Variants in CIITA observed in about 807,000 individuals in gnomAD.
The protein encoded by CIITA is MHC class II transactivator.
CIITA carries 72 observed loss-of-function variants against 115.1 expected under a neutral mutation model. The observed-to-expected ratio is 0.63, with a 90% confidence interval of 0.52 to 0.76. The LOEUF is 0.76. Among genes scored for constraint, CIITA ranks in the 30% least tolerant of loss-of-function variants. The pLI is 0.00. For synonymous variants in CIITA, 763 were observed against 635.6 expected (o/e 1.20, Z -3.02); for missense variants, 1,617 against 1,463.8 (o/e 1.10, Z -1.71).
Position 10,933,541 on chromosome 16 carries a change from C to G in CIITA, c.*9686C>G, listed in dbSNP as rs920361492. The G allele has an allele frequency of 1.3e-5, 2 of 152,372 alleles. No individual in the cohort carries two copies. Among genetic ancestry groups the G allele is most frequent in the Non-Finnish European group, 2.9e-5 (2 of 68,172 alleles). The allele number at this position is 152,372 out of a possible 1,614,324, so 9.4% of individuals were successfully genotyped here. The stretch of plus-strand genomic sequence containing the variant: ...CCCACCCTCTCTGGGCCAGTTTCCT[C>G]ATCTGGAAAAGGGGACAGTGCCCAC... On this transcript the variant is annotated 3_prime_UTR_variant, in exon 20 of 20. Transcript: ENST00000324288.
At chr16:10,939,524 C>T (rs963080559), downstream of CIITA, 8 of 152,330 alleles carry the variant, frequency 5.3e-5, no homozygotes, top group Non-Finnish European at 1.2e-4. The surrounding 1 kb of genome is among the most constrained non-coding windows in gnomAD (Gnocchi z 4.9). Context: ...AACTCTCTCT[C>T]ACCTGAAGGT....
intron 1 of CIITA, 150 bp from the exon 2 acceptor site, chr16:10,895,132 A>G: frequency 1.2e-6 from 1 of 846,386 alleles, no homozygotes; most frequent in Non-Finnish European, 1.9e-6. Context: ...TGCTCTCTCC[A>G]CCACGCTGAG....
rs2036243741 is a variant in CIITA, at chr16:10,879,866, C to G, written c.52+2484C>G. Among the ~76,000 whole-genome samples, 1 of 152,152 alleles carries G rather than the reference C, an allele frequency of 6.6e-6. No homozygotes were observed. Among genetic ancestry groups the G allele is most frequent in the African/African-American group, 2.4e-5 (1 of 41,430 alleles). On this transcript the variant is annotated intron_variant, in intron 1 of 19. Coordinates refer to ENST00000324288, the MANE Select transcript of CIITA (RefSeq NM_000246.4). This position sits in a 1 kb window ranked among gnomAD's most constrained non-coding sequence, Gnocchi z 4.3. ...TGGAACTCTTAAAAGCCGCGGTCCT[C>G]CTGAGTCCCACAGCCCCTCTCCACC... is the stretch of plus-strand genomic sequence containing the variant.
intron 1 of CIITA, among the ~76,000 whole-genome samples, chr16:10,893,185 C>T (rs938066737): frequency 6.6e-6 from 1 of 152,156 alleles, no homozygotes; most frequent in Non-Finnish European, 1.5e-5. Context: ...GGCAGCGTGG[C>T]CCTGCTGACA....
chr16:10,902,159 C>T lies in CIITA; in HGVS notation c.603C>T (p.Arg201=). ...AGGAGCCAGCCTCCGGCCAGATGCG[C>T]CTGGAGAAAACCGACCAGATTCCCA... is the stretch of plus-strand genomic sequence containing the variant. ...FNQEPASGQM[R]LEKTDQIPMP... Residue 201 remains arginine (R), a synonymous_variant, in exon 7 of 20, where the codon CGC becomes CGT. Transcript: ENST00000324288. 1 of 1,614,124 alleles carries T rather than the reference C, an allele frequency of 6.2e-7. No homozygotes were observed. Among genetic ancestry groups the T allele is most frequent in the Non-Finnish European group, 8.5e-7 (1 of 1,180,024 alleles).
In CIITA at chr16:10,941,583, G is replaced by A. The variant is rs528597211; in HGVS notation, n.709G>A. 1 of 1,464,112 alleles carries A rather than the reference G, an allele frequency of 6.8e-7. No individual in the cohort carries two copies. Among genetic ancestry groups the A allele is most frequent in the African/African-American group, 1.4e-5 (1 of 70,844 alleles). 90.7% of individuals were successfully genotyped at this position (1,464,112 alleles called of 1,614,324 possible). On this transcript the variant is annotated non_coding_transcript_exon_variant, in exon 2 of 2. Coordinates refer to the CIITA transcript ENST00000573379. The surrounding 1 kb of genome is among the most constrained non-coding windows in gnomAD (Gnocchi z 6.4). Reference sequence around the variant, plus strand: ...AGGGCACTTACAGGCCTCGGAGGCAGGGGAGGGTCTCCTCCTGGGGAACCA... The same window carrying A: ...AGGGCACTTACAGGCCTCGGAGGCAAGGGAGGGTCTCCTCCTGGGGAACCA...
In CIITA at chr16:10,901,664, A is replaced by G; in HGVS notation, c.481+106A>G. 1 of 1,232,180 alleles carries G rather than the reference A, an allele frequency of 8.1e-7. No homozygotes were observed. 76.3% of individuals were successfully genotyped at this position (1,232,180 alleles called of 1,614,324 possible). A position where few individuals can be genotyped will look rare whatever the true frequency, so the allele number is the denominator to read the frequency against. ...GTCTGATGGGGATGGTGCATGGTGC[A>G]GCCCCTGCCCTTCTTTGGGTAGAGG... On this transcript the variant is annotated intron_variant, in intron 6 of 19. Transcript: ENST00000324288. The surrounding 1 kb of genome is among the most constrained non-coding windows in gnomAD (Gnocchi z 6.8).
At chr16:10,914,760 T>G (rs1397405611) in intron 13 of CIITA, among the ~76,000 whole-genome samples, 1 of 152,166 alleles carries the variant, frequency 6.6e-6, no homozygotes, top group Non-Finnish European at 1.5e-5. Context: ...CTCAGAGTCT[T>G]GAGGAGTAAA....
At chr16:10,891,405 G>T (rs1482487705) in intron 1 of CIITA, among the ~76,000 whole-genome samples, 1 of 152,086 alleles carries the variant, frequency 6.6e-6, no homozygotes, top group Non-Finnish European at 1.5e-5. Context: ...GAAGGTCCCT[G>T]GCAGACCCAA....
rs752464519 is a variant in CIITA, at chr16:10,941,685, C to A, written n.811C>A. On this transcript the variant is annotated non_coding_transcript_exon_variant, in exon 2 of 2. Transcript: ENST00000573379. This position sits in a 1 kb window ranked among gnomAD's most constrained non-coding sequence, Gnocchi z 6.4. ...CTGGTCCAGGGCATGGGTTGCGGAT[C>A]GTGTAGGGAAGAGGGGAACAGCAGT... The A allele has an allele frequency of 2.5e-6, 4 of 1,570,414 alleles. No homozygotes were observed. Among genetic ancestry groups the A allele is most frequent in the African/African-American group, 1.4e-5 (1 of 73,978 alleles).
intron 1 of CIITA, among the ~76,000 whole-genome samples, chr16:10,891,439 G>T (rs112842547): frequency 6.6e-6 from 1 of 152,098 alleles, no homozygotes. Flanking sequence ...AACTGAGTTT[G>T]GGTAACTTAT....
Position 10,935,417 on chromosome 16 carries a change from G to A in CIITA, c.*11562G>A, listed in dbSNP as rs997434334. 2.0e-5 allele frequency: 3 copies of A among 152,204 alleles called. No individual in the cohort carries two copies. Among genetic ancestry groups the A allele is most frequent in the Non-Finnish European group, 4.4e-5 (3 of 68,034 alleles). The allele number at this position is 152,204 out of a possible 1,614,324, so 9.4% of individuals were successfully genotyped here. ...AGGCCAAGGCCCTGTGACTTTAGCTGGCTTTGGTATTTGGCCAAAAGTTAA... is the reference window on the plus strand; with the variant it reads ...AGGCCAAGGCCCTGTGACTTTAGCTAGCTTTGGTATTTGGCCAAAAGTTAA... On this transcript the variant is annotated 3_prime_UTR_variant, in exon 20 of 20. Transcript: ENST00000324288.
Position 10,909,307 on chromosome 16 carries a change from CCT to C in CIITA, c.2816+123_2816+124del, listed in dbSNP as rs562482795. 1.3e-4 allele frequency: 141 copies of C among 1,060,024 alleles called. No homozygotes were observed. The East Asian group carries it at 3.1e-3, about 23-fold the overall frequency. The allele number at this position is 1,060,024 out of a possible 1,614,324, so 65.7% of individuals were successfully genotyped here. ...CCCTGTCCTCTGGGACACCCCATGC[CCT>C]CTTTCTGGGCAATGGCTAACCAGAG... On this transcript the variant is annotated intron_variant, in intron 12 of 19. Coordinates refer to ENST00000324288, the MANE Select transcript of CIITA (RefSeq NM_000246.4).
At chr16:10,910,397 C>T in intron 13 of CIITA, 138 bp downstream of exon 13, 1 of 800,106 alleles carries the variant, frequency 1.2e-6, no homozygotes, top group East Asian at 2.7e-5. Context: ...AAATAGCTTC[C>T]AGCAGCTGGA....
At chr16:10,877,859 C>A (rs1485622495) in intron 1 of CIITA, among the ~76,000 whole-genome samples, 1 of 152,194 alleles carries the variant, frequency 6.6e-6, no homozygotes, top group African/African-American at 2.4e-5. Flanking sequence ...GGATGCTGCC[C>A]TCCCCCCAGT....
chr16:10,884,060 T>TATAGG, intron 1 of CIITA, among the ~76,000 whole-genome samples: 1 of 140,440 alleles, frequency 7.1e-6, no homozygotes, highest in South Asian at 2.3e-4. Context: ...TGTTGTACAT[T>TATAGG]CTGTGGGTTT....
Position 10,895,746 on chromosome 16 carries a change from G to A in CIITA, c.277G>A (p.Glu93Lys). The A allele has an allele frequency of 1.2e-6, 2 of 1,614,090 alleles. No homozygotes were observed. The highest frequency in any genetic ancestry group is 1.7e-6 in the Non-Finnish European group (2 of 1,180,020). The change falls in exon 3 of 20, where the codon GAG (glutamate) becomes AAG (lysine). Residue 93 changes from glutamate to lysine, a missense_variant. Glu to Lys is a moderately conservative substitution (Grantham distance 56). Transcript: ENST00000324288. ...CATGGAAGGTGATGAAGAGACCAGG[G>A]AGGCTTATGCCAATATCGGTGAGGA... ...CDMEGDEETR[E>K]AYANIAELDQ...
chr16:10,866,836 C>A (rs1207720831), intron 1 of CIITA, among the ~76,000 whole-genome samples: 2 of 152,216 alleles, frequency 1.3e-5, no homozygotes, highest in African/African-American at 4.8e-5. Flanking sequence ...ACTCCCTGAG[C>A]CCTGACGATA....
intron 13 of CIITA, among the ~76,000 whole-genome samples, chr16:10,913,783 C>G (rs1001285511): frequency 1.3e-5 from 2 of 151,700 alleles, no homozygotes; most frequent in East Asian, 4.0e-4. Flanking sequence ...ACTAAATATA[C>G]AAAACAAATT....
Sources: allele counts gnomAD v4.1 joint callset (sites outside exome capture counted in the v4.1 genomes callset), GRCh38; gene constraint gnomAD v4.1.1; non-coding constraint Gnocchi (gnomAD v3.1); transcripts MANE v1.5; gene names NCBI Gene and HGNC (gene_info 2026-07-23, HGNC 2026-07-21).